VIM: variants seen among roughly 807,000 people sequenced by gnomAD.
VIM encodes vimentin.
VIM carries 18 observed loss-of-function variants against 50.3 expected under a neutral mutation model. The ratio of observed to expected loss-of-function variants is 0.36; its 90% CI spans 0.25 to 0.53. The LOEUF (loss-of-function observed/expected upper bound fraction) is 0.53. Ranked by LOEUF, VIM falls within the 20% of genes least tolerant of loss-of-function variation. The probability of loss-of-function intolerance (pLI) is 0.91; values close to 1 mark genes in which losing one functional copy is unlikely to be tolerated. For synonymous variants in VIM, 245 were observed against 248.5 expected, an observed-to-expected ratio of 0.99 and a Z score of 0.13; for missense variants, 551 against 614.7, an observed-to-expected ratio of 0.90 and a Z score of 1.10.
In VIM at chr10:17,229,596, C is replaced by T; in HGVS notation, c.174C>T (p.Gly58=). Residue 58 remains glycine (G), a synonymous_variant, in exon 2 of 10, where the codon GGC becomes GGT. Coordinates refer to ENST00000544301, the MANE Select transcript of VIM (RefSeq NM_003380.5). ...TSRSLYASSP[G]GVYATRSSAV... ...GCAGCCTCTACGCCTCGTCCCCGGG[C>T]GGCGTGTATGCCACGCGCTCCTCTG... 1 of 1,604,826 alleles carries T rather than the reference C, an allele frequency of 6.2e-7. No homozygotes were observed. Among genetic ancestry groups the T allele is most frequent in the Non-Finnish European group, 8.5e-7 (1 of 1,176,526 alleles).
At chr10:17,229,131 C>G (rs1846731595) in intron 1 of VIM, 145 bp from the exon 2 acceptor site, 1 of 349,740 alleles carries the variant, frequency 2.9e-6, no homozygotes. Flanking sequence ...CAGGAAGGCT[C>G]GAGGGCGCCC....
At chr10:17,237,160 C>A in intron 9 of VIM, 70 bp from the exon 10 acceptor site, 2 of 1,327,484 alleles carry the variant, frequency 1.5e-6, no homozygotes, top group Non-Finnish European at 2.1e-6. Context: ...TTTTATTTGC[C>A]GTGATATATA....
At chr10:17,229,240 C>G (rs1394059024) in intron 1 of VIM, 36 bp from the exon 2 acceptor site, 2 of 558,034 alleles carry the variant, frequency 3.6e-6, no homozygotes, top group Non-Finnish European at 6.2e-6. Context: ...TCTTTCCTAA[C>G]GGGGTTATAA....
At position 17,229,704 on chromosome 10, in the gene VIM, C is replaced by G. The variant is rs144539901; in HGVS notation, c.282C>G (p.Thr94=). 1 of 1,571,736 alleles carries G rather than the reference C, an allele frequency of 6.4e-7. No homozygotes were observed. The highest frequency in any genetic ancestry group is 1.9e-5 in the Admixed American group (1 of 53,342). The change falls in exon 2 of 10, where the codon ACC becomes ACG. Residue 94 remains threonine (T), a synonymous_variant. Coordinates refer to ENST00000544301, the MANE Select transcript of VIM (RefSeq NM_003380.5). The part of the protein sequence containing the change: ...VDFSLADAIN[T]EFKNTRTNEK... The stretch of plus-strand genomic sequence containing the variant: ...TCTCGCTGGCCGACGCCATCAACAC[C>G]GAGTTCAAGAACACCCGCACCAACG...
At chr10:17,235,115 A>G (rs1846863539) in intron 6 of VIM, 54 bp from the exon 7 acceptor site, 2 of 1,597,398 alleles carry the variant, frequency 1.3e-6, no homozygotes, top group Admixed American at 1.7e-5. Context: ...TGGTTCTGGG[A>G]ACAGCTGGGT....
At chr10:17,235,085 T>C in intron 6 of VIM, 84 bp from the exon 7 acceptor site, 1 of 1,500,372 alleles carries the variant, frequency 6.7e-7, no homozygotes, top group South Asian at 1.1e-5. Context: ...TAATGGAAAT[T>C]ATTGCAGAAG....
chr10:17,236,396 GA>G lies in VIM; in HGVS notation c.1359+23del. 8 of 1,564,418 alleles carry G rather than the reference GA, an allele frequency of 5.1e-6. No homozygotes were observed. The highest frequency in any genetic ancestry group is 6.2e-6 in the Non-Finnish European group (7 of 1,135,108). On this transcript the variant is annotated intron_variant, in intron 9 of 9. Coordinates refer to ENST00000544301, the MANE Select transcript of VIM (RefSeq NM_003380.5). ...GATGGACAGGTTGGTATCTTTTAAG[GA>G]AAAAATAGGGTAATCTCAGACAGGA...
chr10:17,229,064 A>C, intron 1 of VIM: 5 of 377,102 alleles, frequency 1.3e-5, no homozygotes, highest in African/African-American at 2.2e-5. Context: ...GAAAGCCCCC[A>C]AAAGTCCCAG....
intron 8 of VIM, 68 bp from the exon 9 acceptor site, chr10:17,236,226 A>G: frequency 1.7e-6 from 2 of 1,204,052 alleles, no homozygotes; most frequent in Non-Finnish European, 2.5e-6. Flanking sequence ...TGTTTCAGTA[A>G]AATGGTTACT....
In VIM at chr10:17,229,258, G is replaced by A; in HGVS notation, c.-147-18G>A. On this transcript the variant is annotated intron_variant, in intron 1 of 9. Transcript: ENST00000544301. ...TTCCTAACGGGGTTATAAAAACAGCGCCCTCGGCGGGGTCCAGTCCTCTGC... is the reference window on the plus strand; with the variant it reads ...TTCCTAACGGGGTTATAAAAACAGCACCCTCGGCGGGGTCCAGTCCTCTGC... 1 of 657,170 alleles carries A rather than the reference G, an allele frequency of 1.5e-6. No individual in the cohort carries two copies. The highest frequency in any genetic ancestry group is 2.5e-6 in the Non-Finnish European group (1 of 395,960). 40.7% of individuals were successfully genotyped at this position (657,170 alleles called of 1,614,324 possible).
In VIM at chr10:17,234,715, C is replaced by G; in HGVS notation, c.905C>G (p.Ala302Gly). 1 of 1,614,018 alleles carries G rather than the reference C, an allele frequency of 6.2e-7. No individual in the cohort carries two copies. The highest frequency in any genetic ancestry group is 8.5e-7 in the Non-Finnish European group (1 of 1,180,018). ...KSKFADLSEA[A>G]NRNNDALRQA... Reference sequence around the variant, plus strand: ...CAGTTTGCTGACCTCTCTGAGGCTGCCAACCGGAACAATGACGCCCTGCGC... The same window carrying G: ...CAGTTTGCTGACCTCTCTGAGGCTGGCAACCGGAACAATGACGCCCTGCGC... The change falls in exon 6 of 10, where the codon GCC becomes GGC. Residue 302 changes from alanine to glycine, a missense_variant. By Grantham distance (60) the Ala-to-Gly change is moderately conservative (BLOSUM62 0). Transcript: ENST00000544301.
rs750627825 is a variant in VIM, at chr10:17,237,317, A to G, written c.*46A>G. On this transcript the variant is annotated 3_prime_UTR_variant, in exon 10 of 10. Transcript: ENST00000544301. Reference sequence around the variant, plus strand: ...AGCAATATATTACCAGCAAGAATAAAAAAGAAATCCATATCTTAAAGAAAC... The same window carrying G: ...AGCAATATATTACCAGCAAGAATAAGAAAGAAATCCATATCTTAAAGAAAC... 1.6e-5 allele frequency: 26 copies of G among 1,576,780 alleles called. No homozygotes were observed. Among genetic ancestry groups the G allele is most frequent in the African/African-American group, 2.7e-5 (2 of 74,130 alleles).
intron 3 of VIM, 44 bp downstream of exon 3, chr10:17,230,754 A>C (rs767527703): frequency 4.3e-6 from 7 of 1,610,230 alleles, no homozygotes; most frequent in Non-Finnish European, 5.1e-6. Flanking sequence ...GACCCCACCC[A>C]ACACAACCCA....
intron 3 of VIM, 47 bp from the exon 4 acceptor site, chr10:17,233,540 T>C: frequency 6.4e-7 from 1 of 1,572,836 alleles, no homozygotes; most frequent in South Asian, 1.1e-5. Flanking sequence ...AGATAAGCCA[T>C]ACACTTTTAC....
At chr10:17,234,866 G>A (rs549324451) in intron 6 of VIM, 48 bp downstream of exon 6, 2 of 1,613,178 alleles carry the variant, frequency 1.2e-6, no homozygotes, top group Admixed American at 3.3e-5. Context: ...GACCCATTCT[G>A]CTGACTAGGC....
chr10:17,234,432 A>G (rs1428551218), intron 5 of VIM, among the ~76,000 whole-genome samples: 1 of 152,042 alleles, frequency 6.6e-6, no homozygotes, highest in African/African-American at 2.4e-5. Context: ...CTCCTTCAGA[A>G]TAGCAGACTC....
rs1049374418 is a variant in VIM at position 17,235,558 on chromosome 10, C to A, written c.1229+169C>A. Reference sequence around the variant, plus strand: ...GAATTGAGAGAGAGTAAGTGACTTGCTGAAAAAGGGTTAATCAACAGCAGA... The same window carrying A: ...GAATTGAGAGAGAGTAAGTGACTTGATGAAAAAGGGTTAATCAACAGCAGA... On this transcript the variant is annotated intron_variant, in intron 7 of 9. Transcript: ENST00000544301. 1.8e-5 allele frequency: 15 copies of A among 811,206 alleles called. No individual in the cohort carries two copies. The Admixed American group carries it at 2.4e-4, about 13-fold the overall frequency. The allele number at this position is 811,206 out of a possible 1,614,324, so 50.3% of individuals were successfully genotyped here.
intron 2 of VIM, 180 bp from the exon 3 acceptor site, chr10:17,230,470 G>C (rs1465268447): frequency 2.6e-6 from 2 of 763,388 alleles, no homozygotes; most frequent in Non-Finnish European, 4.7e-6. Flanking sequence ...CCCTCTGCGC[G>C]GTGCCCGAAG....
At position 17,229,304 on chromosome 10, in the gene VIM, C is replaced by G; in HGVS notation, c.-119C>G. ...TCTGCCACTCTCGCTCCGAGGTCCC[C>G]GCGCCAGAGACGCAGCCGCGCTCCC... On this transcript the variant is annotated 5_prime_UTR_variant, in exon 2 of 10. Transcript: ENST00000544301. The G allele has an allele frequency of 9.2e-7, 1 of 1,092,158 alleles. No individual in the cohort carries two copies. The highest frequency in any genetic ancestry group is 1.3e-6 in the Non-Finnish European group (1 of 756,220). 67.7% of individuals were successfully genotyped at this position (1,092,158 alleles called of 1,614,324 possible).
Sources: allele counts gnomAD v4.1 joint callset (sites outside exome capture counted in the v4.1 genomes callset), GRCh38; gene constraint gnomAD v4.1.1; transcripts MANE v1.5; gene names NCBI Gene and HGNC (gene_info 2026-07-23, HGNC 2026-07-21).